RTN4: variants seen among roughly 807,000 people sequenced by gnomAD.
RTN4 encodes reticulon 4.
Under a neutral mutation model 90.4 loss-of-function variants are expected in RTN4, and 32 were observed. That is an observed-to-expected ratio of 0.35 (90% CI 0.27 to 0.48). RTN4 has a LOEUF of 0.48. RTN4 is among the 20% of genes least tolerant of loss of function. RTN4 has a pLI of 0.99. For synonymous variants in RTN4, 629 were observed against 552.5 expected, an observed-to-expected ratio of 1.14 and a Z score of -1.94; for missense variants, 1,706 against 1,430.2, an observed-to-expected ratio of 1.19 and a Z score of -3.11.
At chr2:55,019,356 A>T (rs1681266759) in intron 3 of RTN4, among the ~76,000 whole-genome samples, 1 of 152,198 alleles carries the variant, frequency 6.6e-6, no homozygotes, top group African/African-American at 2.4e-5. Flanking sequence ...GCGAATTTTG[A>T]TAGGGAGCAG....
intron 2 of RTN4, among the ~76,000 whole-genome samples, chr2:55,073,693 T>C (rs1415567335): frequency 6.6e-6 from 1 of 152,252 alleles, no homozygotes; most frequent in African/African-American, 2.4e-5. Context: ...AGACTGCTCA[T>C]ATCAATGGCT....
At chr2:55,127,900 C>G in the RTN4 span, among the ~76,000 whole-genome samples, 1 of 151,944 alleles carries the variant, frequency 6.6e-6, no homozygotes, top group East Asian at 1.9e-4. Flanking sequence ...ATCAGAACCA[C>G]ACCTCTCTGT....
At chr2:55,018,024 A>G (rs776464957) in intron 3 of RTN4, among the ~76,000 whole-genome samples, 1 of 152,206 alleles carries the variant, frequency 6.6e-6, no homozygotes, top group African/African-American at 2.4e-5. Context: ...ACTAATACAA[A>G]TAAGAAGTTA....
At chr2:55,120,040 G>C in the RTN4 span, among the ~76,000 whole-genome samples, 1 of 152,190 alleles carries the variant, frequency 6.6e-6, no homozygotes, top group African/African-American at 2.4e-5. Flanking sequence ...CCCATGCCTC[G>C]CTGTGGGCTG....
intron 3 of RTN4, among the ~76,000 whole-genome samples, chr2:55,009,541 G>A (rs1253274940): frequency 6.6e-6 from 1 of 152,112 alleles, no homozygotes; most frequent in Non-Finnish European, 1.5e-5. Context: ...TAAAATTACT[G>A]CGTAATTATA....
intron 1 of RTN4, among the ~76,000 whole-genome samples, chr2:55,041,813 T>C (rs1212868154): frequency 6.6e-6 from 1 of 151,948 alleles, no homozygotes; most frequent in Non-Finnish European, 1.5e-5. Flanking sequence ...TTTCTAAGGA[T>C]TACATAAAAC....
chr2:55,083,431 G>C (rs1388247752), intron 1 of RTN4, among the ~76,000 whole-genome samples: 1 of 152,056 alleles, frequency 6.6e-6, no homozygotes, highest in East Asian at 1.9e-4. Flanking sequence ...GGGAGGCAGA[G>C]GTTGCAGTGA....
chr2:55,124,008 G>A, the RTN4 span, among the ~76,000 whole-genome samples: 5 of 152,078 alleles, frequency 3.3e-5, no homozygotes, highest in Non-Finnish European at 7.4e-5. Context: ...TATCCTTATT[G>A]TACTGGCCCA....
At chr2:55,088,765 G>C (rs1668886047) in intron 1 of RTN4, among the ~76,000 whole-genome samples, 1 of 152,186 alleles carries the variant, frequency 6.6e-6, no homozygotes, top group Non-Finnish European at 1.5e-5. Context: ...GATCAAGGCA[G>C]AGGGAGGAAC....
In RTN4 at chr2:54,993,166, C is replaced by T. The variant is rs557092160; in HGVS notation, c.3014-5468G>A. Among the ~76,000 whole-genome samples, 15 of 151,514 alleles carry T rather than the reference C, an allele frequency of 9.9e-5. No individual in the cohort carries two copies. The South Asian group carries it at 2.9e-3, about 30-fold the overall frequency. ...AAGCAGTGTTTTTATCTCTGCATAACGGGATTATCAATGAGTTTTACTTGC... is the reference window on the plus strand; with the variant it reads ...AAGCAGTGTTTTTATCTCTGCATAATGGGATTATCAATGAGTTTTACTTGC... On this transcript the variant is annotated intron_variant, in intron 3 of 8. Transcript: ENST00000337526.
At chr2:55,075,719 C>G (rs1573500433) in intron 2 of RTN4, among the ~76,000 whole-genome samples, 1 of 152,116 alleles carries the variant, frequency 6.6e-6, no homozygotes, top group African/African-American at 2.4e-5. Context: ...ACCAAAACAG[C>G]ATAGTACTGG....
intron 1 of RTN4, among the ~76,000 whole-genome samples, chr2:55,093,019 C>A (rs1044747648): frequency 6.6e-6 from 1 of 152,162 alleles, no homozygotes; most frequent in Non-Finnish European, 1.5e-5. Flanking sequence ...ATAAAAATAA[C>A]CATTGTGTGT....
chr2:55,027,114 C>G lies in RTN4; in HGVS notation c.985G>C (p.Asp329His). ...PREEIIVKNK[D>H]EEEKLVSNNI... ...TTACTAACTAACTTCTCTTCTTCAT[C>G]TTTATTTTTCACGATTATTTCTTCC... The change falls in exon 3 of 9, where the codon GAT (aspartate) becomes CAT (histidine). Residue 329 changes from aspartate to histidine, a missense_variant. Physicochemically the swap from Asp to His is moderately conservative, Grantham distance 81. Coordinates refer to ENST00000337526, the MANE Select transcript of RTN4 (RefSeq NM_020532.5). The G allele has an allele frequency of 6.2e-7, 1 of 1,613,286 alleles. No individual in the cohort carries two copies. Among genetic ancestry groups the G allele is most frequent in the Non-Finnish European group, 8.5e-7 (1 of 1,179,702 alleles).
At chr2:55,103,836 A>C (rs982580969) in intron 1 of RTN4, among the ~76,000 whole-genome samples, 3 of 151,724 alleles carry the variant, frequency 2.0e-5, no homozygotes, top group African/African-American at 7.3e-5. Flanking sequence ...CTAGAATTAC[A>C]GGCTCCCACC....
intron 3 of RTN4, among the ~76,000 whole-genome samples, chr2:55,001,059 G>T (rs943745010): frequency 6.6e-6 from 1 of 151,870 alleles, no homozygotes; most frequent in Non-Finnish European, 1.5e-5. Context: ...ATTTAAGAAT[G>T]ATATTAAAAT....
intron 1 of RTN4, among the ~76,000 whole-genome samples, chr2:55,039,156 T>C (rs1412570156): frequency 6.6e-6 from 1 of 152,226 alleles, no homozygotes; most frequent in South Asian, 2.1e-4. Flanking sequence ...GAGATCTTTC[T>C]AGGATGATAG....
intron 1 of RTN4, among the ~76,000 whole-genome samples, chr2:55,100,271 C>T (rs12464796): frequency 0.18 from 27,773 of 152,032 alleles, 2,754 homozygotes; most frequent in South Asian, 0.27. Flanking sequence ...GGGGCTTGGA[C>T]AAGCCACATT....
At chr2:55,038,086 A>G (rs998623979) in intron 1 of RTN4, among the ~76,000 whole-genome samples, 1 of 152,188 alleles carries the variant, frequency 6.6e-6, no homozygotes, top group Non-Finnish European at 1.5e-5. Context: ...TGTATGGAAA[A>G]GAAACAAATA....
chr2:55,130,832 A>T, the RTN4 span, among the ~76,000 whole-genome samples: 11 of 152,280 alleles, frequency 7.2e-5, no homozygotes, highest in African/African-American at 2.6e-4. Context: ...CTGATTCAAG[A>T]GCTGCCATGA....
Sources: gnomAD v4.1 joint callset for allele counts (sites outside exome capture counted in the v4.1 genomes callset) on GRCh38, gnomAD v4.1.1 for gene constraint, MANE v1.5 for transcripts, NCBI Gene and HGNC (gene_info 2026-07-23, HGNC 2026-07-21) for gene names.